Variants in ENAH observed in about 807,000 individuals in gnomAD.
The protein encoded by ENAH is ENAH actin regulator.
Under a neutral mutation model 78.7 loss-of-function variants are expected in ENAH, and 23 were observed. The ratio of observed to expected loss-of-function variants is 0.29; its 90% CI spans 0.21 to 0.41. The LOEUF is 0.41. Among genes scored for constraint, ENAH ranks in the 10% least tolerant of loss-of-function variants. The pLI is 1.00. For synonymous variants in ENAH, 226 were observed against 241.0 expected (o/e 0.94, Z 0.58); for missense variants, 544 against 691.0 (o/e 0.79, Z 2.39).
At chr1:225,615,869 C>CG (rs890402981) in intron 1 of ENAH, among the ~76,000 whole-genome samples, 1 of 148,122 alleles carries the variant, frequency 6.8e-6, no homozygotes, top group African/African-American at 2.7e-5. Flanking sequence ...ATGACGATGG[C>CG]GGTTTTGTCG....
At chr1:225,590,198 CAG>C (rs1359247043) in intron 1 of ENAH, among the ~76,000 whole-genome samples, 5 of 151,686 alleles carry the variant, frequency 3.3e-5, no homozygotes, top group South Asian at 2.1e-4. Context: ...AAGTGCCAAA[CAG>C]GGGCCAGGCG....
intron 3 of ENAH, among the ~76,000 whole-genome samples, chr1:225,553,847 A>G (rs1371486010): frequency 6.6e-6 from 1 of 152,214 alleles, no homozygotes; most frequent in African/African-American, 2.4e-5. Context: ...TATTGATATT[A>G]ATTTCCTCAA....
chr1:225,520,029 C>CA (rs1404568566), intron 4 of ENAH, among the ~76,000 whole-genome samples: 3 of 152,162 alleles, frequency 2.0e-5, no homozygotes, highest in African/African-American at 4.8e-5. Context: ...TGTAGTGACT[C>CA]ACACCTGTAA....
intron 1 of ENAH, among the ~76,000 whole-genome samples, chr1:225,598,337 T>G (rs913243434): frequency 4.1e-5 from 6 of 148,022 alleles, no homozygotes; most frequent in Admixed American, 1.3e-4. Context: ...AAAGAAGGAA[T>G]GAAGGGAAAG....
intron 3 of ENAH, among the ~76,000 whole-genome samples, chr1:225,553,435 C>T (rs1173010867): frequency 6.6e-6 from 1 of 152,012 alleles, no homozygotes; most frequent in Admixed American, 6.6e-5. Flanking sequence ...TTTCTAATAT[C>T]AACGGATACA....
intron 1 of ENAH, among the ~76,000 whole-genome samples, chr1:225,624,623 C>T (rs1449193841): frequency 7.1e-6 from 1 of 141,616 alleles, no homozygotes; most frequent in African/African-American, 2.9e-5. Context: ...GACCCTGCCA[C>T]TAAATCAATC....
chr1:225,607,450 T>C (rs910588438), intron 1 of ENAH, among the ~76,000 whole-genome samples: 2 of 150,014 alleles, frequency 1.3e-5, no homozygotes, highest in Non-Finnish European at 2.9e-5. Context: ...TCTAGCAGAA[T>C]TACTGAGGGA....
At chr1:225,571,603 C>T (rs1226511075) in intron 1 of ENAH, among the ~76,000 whole-genome samples, 1 of 152,030 alleles carries the variant, frequency 6.6e-6, no homozygotes, top group Admixed American at 6.6e-5. Flanking sequence ...GCCAAGTGGC[C>T]GGAAATATCA....
intron 1 of ENAH, among the ~76,000 whole-genome samples, chr1:225,604,947 T>C (rs917687634): frequency 7.9e-5 from 12 of 152,192 alleles, no homozygotes; most frequent in African/African-American, 2.4e-4. Context: ...ACAGTAATGT[T>C]AGAGTGGGAA....
At chr1:225,627,883 T>A (rs1575782037) in intron 1 of ENAH, among the ~76,000 whole-genome samples, 1 of 151,640 alleles carries the variant, frequency 6.6e-6, no homozygotes, top group Non-Finnish European at 1.5e-5. Flanking sequence ...ATGTGAAACA[T>A]ACACTGTTTT....
At chr1:225,534,851 TTCTC>T (rs2096554152) in intron 3 of ENAH, among the ~76,000 whole-genome samples, 1 of 152,166 alleles carries the variant, frequency 6.6e-6, no homozygotes, top group Non-Finnish European at 1.5e-5. Context: ...ATATATCTTA[TTCTC>T]TCTAATTTGG....
intron 1 of ENAH, among the ~76,000 whole-genome samples, chr1:225,608,292 C>G (rs2096967987): frequency 6.7e-6 from 1 of 150,372 alleles, no homozygotes; most frequent in South Asian, 2.1e-4. Flanking sequence ...CCCAAAAACC[C>G]CCTAACAAGG....
At chr1:225,568,786 A>G (rs1048745705) in intron 1 of ENAH, among the ~76,000 whole-genome samples, 1 of 152,198 alleles carries the variant, frequency 6.6e-6, no homozygotes, top group Non-Finnish European at 1.5e-5. Flanking sequence ...CTTGTCCTTG[A>G]TGACAGAGGA....
chr1:225,505,346 G>A (rs1465289783), intron 11 of ENAH, among the ~76,000 whole-genome samples: 1 of 152,152 alleles, frequency 6.6e-6, no homozygotes, highest in Non-Finnish European at 1.5e-5. Flanking sequence ...CAGGAGGCAT[G>A]TAAAGGACTA....
At chr1:225,631,381 C>T (rs1659000409) in intron 1 of ENAH, among the ~76,000 whole-genome samples, 1 of 151,152 alleles carries the variant, frequency 6.6e-6, no homozygotes, top group Admixed American at 6.6e-5. Context: ...ACCAGCCTGA[C>T]CAACATATAG....
intron 2 of ENAH, among the ~76,000 whole-genome samples, chr1:225,559,590 A>G (rs1421476469): frequency 6.6e-6 from 1 of 152,200 alleles, no homozygotes; most frequent in Non-Finnish European, 1.5e-5. Flanking sequence ...GAAGCAAGCT[A>G]TGGCAAAAAC....
intron 1 of ENAH, among the ~76,000 whole-genome samples, chr1:225,599,514 T>C (rs1209221285): frequency 5.9e-5 from 9 of 152,086 alleles, no homozygotes; most frequent in Admixed American, 5.9e-4. Context: ...CAAGTTAAAA[T>C]GTGATTGCTG....
In ENAH at chr1:225,497,581, G is replaced by A. The variant is rs1472897025; in HGVS notation, c.*194C>T. On this transcript the variant is annotated 3_prime_UTR_variant, in exon 14 of 14. Coordinates refer to ENST00000366843, the MANE Select transcript of ENAH (RefSeq NM_018212.6). ...TAAAGGCCAGAAAAAAGCAGCAAAC[G>A]GAGAGGGAAAGAGCTTATCACCAGA... The A allele has an allele frequency of 1.9e-5, 8 of 425,854 alleles. No homozygotes were observed. Among genetic ancestry groups the A allele is most frequent in the South Asian group, 1.2e-4 (2 of 17,000 alleles). 26.4% of individuals were successfully genotyped at this position (425,854 alleles called of 1,614,324 possible). A position where few individuals can be genotyped will look rare whatever the true frequency, so the allele number is the denominator to read the frequency against.
intron 4 of ENAH, among the ~76,000 whole-genome samples, chr1:225,525,431 A>G (rs2096496097): frequency 6.6e-6 from 1 of 152,098 alleles, no homozygotes; most frequent in African/African-American, 2.4e-5. Flanking sequence ...CTTCACCCCA[A>G]ACTCTCCATT....
Sources: gnomAD v4.1 joint callset for allele counts (sites outside exome capture counted in the v4.1 genomes callset) on GRCh38, gnomAD v4.1.1 for gene constraint, MANE v1.5 for transcripts, NCBI Gene and HGNC (gene_info 2026-07-23, HGNC 2026-07-21) for gene names.